Variants in RAI14 observed in about 807,000 individuals in gnomAD.
RAI14 encodes the protein ankycorbin.
RAI14 carries 45 observed loss-of-function variants against 115.4 expected under a neutral mutation model. The ratio of observed to expected loss-of-function variants is 0.39; its 90% CI spans 0.31 to 0.50. RAI14 has a LOEUF of 0.50. Ranked by LOEUF, RAI14 falls within the 20% of genes least tolerant of loss-of-function variation. The probability of loss-of-function intolerance (pLI) is 0.85; values close to 1 mark genes in which losing one functional copy is unlikely to be tolerated. For missense variants in RAI14, 939 were observed against 1,131.2 expected (o/e 0.83, Z 2.44); for synonymous variants, 371 against 415.4 (o/e 0.89, Z 1.30).
intron 2 of RAI14, among the ~76,000 whole-genome samples, chr5:34,745,622 T>G (rs1746065592): frequency 2.0e-5 from 3 of 152,144 alleles, no homozygotes; most frequent in Non-Finnish European, 4.4e-5. Flanking sequence ...GTCTTTTCAG[T>G]CTCCCATGAT....
At chr5:34,732,643 T>C (rs1457899322) in intron 2 of RAI14, among the ~76,000 whole-genome samples, 12 of 151,640 alleles carry the variant, frequency 7.9e-5, no homozygotes, top group Non-Finnish European at 1.5e-5. Context: ...TTTGCCACGT[T>C]GGCCAGGCTG....
At chr5:34,688,747 A>T (rs1188662261) in intron 2 of RAI14, among the ~76,000 whole-genome samples, 1 of 151,790 alleles carries the variant, frequency 6.6e-6, no homozygotes, top group Non-Finnish European at 1.5e-5. Flanking sequence ...AGAACCGTAC[A>T]GCTAAATGGA....
chr5:34,748,239 G>T (rs1376039950), intron 2 of RAI14, among the ~76,000 whole-genome samples: 2 of 152,208 alleles, frequency 1.3e-5, no homozygotes, highest in Non-Finnish European at 2.9e-5. Flanking sequence ...AGTGTAACCT[G>T]CATGTGTGAA....
intron 1 of RAI14, among the ~76,000 whole-genome samples, chr5:34,660,635 G>A (rs534846801): frequency 1.3e-5 from 2 of 152,218 alleles, no homozygotes; most frequent in South Asian, 4.2e-4. Context: ...ATTTACAAAG[G>A]CACATTCCTG....
At chr5:34,783,546 C>T (rs1003126511) in intron 3 of RAI14, among the ~76,000 whole-genome samples, 13 of 151,402 alleles carry the variant, frequency 8.6e-5, no homozygotes, top group Admixed American at 2.0e-4. Flanking sequence ...AGTTGTTCTG[C>T]TTCTGTCTTT....
intron 2 of RAI14, among the ~76,000 whole-genome samples, chr5:34,748,267 G>T (rs1480854215): frequency 1.3e-5 from 2 of 152,210 alleles, no homozygotes; most frequent in Non-Finnish European, 2.9e-5. Context: ...AAGCAAAAAT[G>T]TAAGTAAAGG....
At chr5:34,678,752 T>C (rs1744180273) in intron 1 of RAI14, among the ~76,000 whole-genome samples, 1 of 152,178 alleles carries the variant, frequency 6.6e-6, no homozygotes, top group Non-Finnish European at 1.5e-5. Context: ...TCTCACTCCA[T>C]TCCTGGACCA....
intron 1 of RAI14, among the ~76,000 whole-genome samples, chr5:34,668,998 A>G (rs1743426107): frequency 6.6e-6 from 1 of 152,202 alleles, no homozygotes; most frequent in Non-Finnish European, 1.5e-5. Flanking sequence ...CTGGGACTAC[A>G]GGCGTGTGCC....
rs200505227 is a variant in RAI14, at chr5:34,811,079, A to G, written c.518A>G (p.Asp173Gly). The G allele has an allele frequency of 6.2e-7, 1 of 1,614,134 alleles. No homozygotes were observed. Among genetic ancestry groups the G allele is most frequent in the East Asian group, 2.2e-5 (1 of 44,876 alleles). The change falls in exon 8 of 18, where the codon GAT becomes GGT. Residue 173 changes from aspartate to glycine, a missense_variant. Transcript: ENST00000265109. ...AGTGAGATCTGTCACTTTCTCCTGG[A>G]TCATGGAGCAGATGTCAATTCCAGG... ...GHSEICHFLL[D>G]HGADVNSRNK...
intron 2 of RAI14, among the ~76,000 whole-genome samples, chr5:34,739,401 G>A (rs1035620117): frequency 1.3e-5 from 2 of 152,120 alleles, no homozygotes; most frequent in Non-Finnish European, 2.9e-5. Context: ...TTCAAAAGGC[G>A]GGACTGAGAT....
chr5:34,673,854 A>G (rs936909098), intron 1 of RAI14, among the ~76,000 whole-genome samples: 4 of 151,552 alleles, frequency 2.6e-5, no homozygotes, highest in Admixed American at 2.6e-4. Context: ...AGGAAGGTCT[A>G]CCTCCCCTCC....
chr5:34,767,721 C>T (rs1415263030), intron 3 of RAI14, among the ~76,000 whole-genome samples: 2 of 151,592 alleles, frequency 1.3e-5, no homozygotes, highest in Non-Finnish European at 2.9e-5. Flanking sequence ...TGCTGTCTTG[C>T]CACTGCCTCT....
At chr5:34,683,628 CCTT>C (rs1247048893) in intron 1 of RAI14, among the ~76,000 whole-genome samples, 1 of 152,116 alleles carries the variant, frequency 6.6e-6, no homozygotes, top group Non-Finnish European at 1.5e-5. Context: ...CAATATATGG[CCTT>C]CTTTTCTCCC....
intron 3 of RAI14, among the ~76,000 whole-genome samples, chr5:34,777,747 C>A (rs1051177967): frequency 2.0e-5 from 3 of 152,100 alleles, no homozygotes; most frequent in Admixed American, 2.0e-4. Context: ...CTATTGCACT[C>A]CAGCCTGGGC....
At chr5:34,714,621 A>T (rs1327383339) in intron 2 of RAI14, among the ~76,000 whole-genome samples, 4 of 152,248 alleles carry the variant, frequency 2.6e-5, no homozygotes, top group Admixed American at 2.0e-4. Flanking sequence ...ATCCAATGGC[A>T]TATAATAATA....
In RAI14 at chr5:34,766,734, T is replaced by A. The variant is rs1270676854; in HGVS notation, c.167+9136T>A. ...TGGGAAGGCATGACTGATTTTGAAA[T>A]TTGAGGATTGAAATCTCTCCACATG... On this transcript the variant is annotated intron_variant, in intron 3 of 17. Transcript: ENST00000265109. Among the ~76,000 whole-genome samples the A allele has an allele frequency of 1.3e-5, 2 of 152,138 alleles. 1 individual carries two copies. The highest frequency in any genetic ancestry group is 4.8e-5 in the African/African-American group (2 of 41,406).
intron 6 of RAI14, 113 bp downstream of exon 6, chr5:34,807,970 C>A: frequency 1.2e-6 from 1 of 825,930 alleles, no homozygotes; most frequent in South Asian, 1.5e-5. Context: ...TTTCTGTCAT[C>A]ATTTCTAAAC....
chr5:34,798,610 C>T (rs1753830753), intron 4 of RAI14, among the ~76,000 whole-genome samples: 1 of 152,122 alleles, frequency 6.6e-6, no homozygotes, highest in African/African-American at 2.4e-5. Flanking sequence ...AAGCATAGTT[C>T]TTGGTGGCCT....
At chr5:34,790,765 T>C (rs1455926573) in intron 3 of RAI14, among the ~76,000 whole-genome samples, 1 of 135,702 alleles carries the variant, frequency 7.4e-6, no homozygotes. Context: ...TGTGTATATA[T>C]ACATATATAT....
Sources: gnomAD v4.1 joint callset for allele counts (sites outside exome capture counted in the v4.1 genomes callset) on GRCh38, gnomAD v4.1.1 for gene constraint, MANE v1.5 for transcripts, NCBI Gene and HGNC (gene_info 2026-07-23, HGNC 2026-07-21) for gene names.